KIF19: variants seen among roughly 807,000 people sequenced by gnomAD.
KIF19 encodes kinesin-like protein KIF19.
KIF19 carries 98 observed loss-of-function variants against 106.6 expected under a neutral mutation model. The observed-to-expected ratio is 0.92, with a 90% CI of 0.78 to 1.09. The LOEUF (loss-of-function observed/expected upper bound fraction) is 1.09. Among genes scored for constraint, KIF19 ranks in the 50% least tolerant of loss-of-function variants. The pLI is 0.00. For synonymous variants in KIF19, 516 were observed against 584.2 expected, an observed-to-expected ratio of 0.88 and a Z score of 1.68; for missense variants, 1,373 against 1,414.3, an observed-to-expected ratio of 0.97 and a Z score of 0.47.
In KIF19 at chr17:74,353,588, G is replaced by T. The variant is rs1420079216; in HGVS notation, c.2308+7G>T. On this transcript the variant is annotated splice_region_variant and intron_variant, in intron 17 of 19. Coordinates refer to ENST00000389916, the MANE Select transcript of KIF19 (RefSeq NM_153209.4). Reference sequence around the variant, plus strand: ...ATCCCCTTGTCCCACAAAGGTATGTGTGCCCTCTGCTGCCCGGCCACCTCA... The same window carrying T: ...ATCCCCTTGTCCCACAAAGGTATGTTTGCCCTCTGCTGCCCGGCCACCTCA... 6.2e-7 allele frequency: 1 copy of T among 1,610,702 alleles called. No homozygotes were observed. The highest frequency in any genetic ancestry group is 2.2e-5 in the East Asian group (1 of 44,866).
Position 74,350,893 on chromosome 17 carries a change from G to A in KIF19, c.1575G>A (p.Leu525=), listed in dbSNP as rs1567919095. The part of the protein sequence containing the change: ...IAALVDEQKQ[L]RKQKLALEQR... Reference sequence around the variant, plus strand: ...CCCTGGTGGACGAGCAGAAGCAACTGCGCAAGCAGAAGGTGTCCAGGGTTT... The same window carrying A: ...CCCTGGTGGACGAGCAGAAGCAACTACGCAAGCAGAAGGTGTCCAGGGTTT... Residue 525 remains leucine, a synonymous_variant, in exon 12 of 20, where the codon CTG becomes CTA. Transcript: ENST00000389916. 1.9e-6 allele frequency: 3 copies of A among 1,613,754 alleles called. No individual in the cohort carries two copies. The highest frequency in any genetic ancestry group is 3.3e-5 in the Admixed American group (2 of 60,030).
chr17:74,330,991 G>A (rs115286441), intron 2 of KIF19, among the ~76,000 whole-genome samples: 1 of 152,274 alleles, frequency 6.6e-6, no homozygotes, highest in South Asian at 2.1e-4. Flanking sequence ...TGTAGTTTAG[G>A]AGCAGCCATA....
intron 2 of KIF19, among the ~76,000 whole-genome samples, chr17:74,333,859 T>C (rs555261682): frequency 2.5e-5 from 3 of 119,622 alleles, no homozygotes; most frequent in African/African-American, 9.3e-5. Context: ...TTTTCTTTTT[T>C]TTTCTTTTTT....
intron 10 of KIF19, among the ~76,000 whole-genome samples, chr17:74,350,113 C>G (rs1304675455): frequency 2.6e-5 from 4 of 152,050 alleles, no homozygotes; most frequent in African/African-American, 7.2e-5. Context: ...ACGGTAGTTT[C>G]TAGGGGCACC....
chr17:74,354,400 C>A lies in KIF19; in HGVS notation c.2547C>A (p.Ser849Arg), dbSNP rs563004456. 100 of 1,610,800 alleles carry A rather than the reference C, an allele frequency of 6.2e-5. 1 individual carries two copies. The South Asian group carries it at 1.0e-3, about 16-fold the overall frequency. ...CCAGTGAGGACAACCTGTCCAGCAGCACGGGCGAGGCCCCGTCCCGGGCAG... is the reference window on the plus strand; with the variant it reads ...CCAGTGAGGACAACCTGTCCAGCAGAACGGGCGAGGCCCCGTCCCGGGCAG... Reference protein sequence around the residue: ...HAASEDNLSSSTGEAPSRAVG... With the variant: ...HAASEDNLSSRTGEAPSRAVG... The change falls in exon 18 of 20, where the codon AGC becomes AGA. Residue 849 changes from serine to arginine, a missense_variant. This residue lies in a region of KIF19 where 1,020 missense variants were observed against 1,008.2 expected (regional missense o/e 1.01). Transcript: ENST00000389916.
intron 1 of KIF19, among the ~76,000 whole-genome samples, chr17:74,328,191 G>C (rs1453385680): frequency 6.6e-6 from 1 of 151,346 alleles, no homozygotes; most frequent in African/African-American, 2.5e-5. Flanking sequence ...GGAGCAGACA[G>C]CTCTCTCCCC....
At position 74,342,809 on chromosome 17, in the gene KIF19, A is replaced by G. The variant is rs1051642482; in HGVS notation, c.319+92A>G. 6.7e-6 allele frequency: 9 copies of G among 1,345,498 alleles called. No homozygotes were observed. In the African/African-American group the frequency reaches 1.3e-4, roughly 19 times the overall value. 83.3% of individuals were successfully genotyped at this position (1,345,498 alleles called of 1,614,324 possible). A position where few individuals can be genotyped will look rare whatever the true frequency, so the allele number is the denominator to read the frequency against. Reference sequence around the variant, plus strand: ...TAGTCTGACCCCAGCTGGAGCAGGAATCCAGGATGTGGTCGCTCCACATCT... The same window carrying G: ...TAGTCTGACCCCAGCTGGAGCAGGAGTCCAGGATGTGGTCGCTCCACATCT... On this transcript the variant is annotated intron_variant, in intron 4 of 19. Coordinates refer to ENST00000389916, the MANE Select transcript of KIF19 (RefSeq NM_153209.4).
At chr17:74,339,273 ACC>A (rs2054294301) in intron 2 of KIF19, among the ~76,000 whole-genome samples, 1 of 151,798 alleles carries the variant, frequency 6.6e-6, no homozygotes, top group Non-Finnish European at 1.5e-5. Context: ...ACCAGCTGGG[ACC>A]CAGACTGCCA....
chr17:74,343,877 C>T (rs896395646), intron 5 of KIF19, among the ~76,000 whole-genome samples: 2 of 151,942 alleles, frequency 1.3e-5, no homozygotes, highest in Non-Finnish European at 2.9e-5. Flanking sequence ...TTTGTCAGGT[C>T]CCCATGCAAC....
At position 74,352,901 on chromosome 17, in the gene KIF19, C is replaced by T. The variant is rs9897137; in HGVS notation, c.2061C>T (p.Ser687=). 0.19 allele frequency: 309,558 copies of T among 1,613,674 alleles called. 40,329 individuals carry two copies. The highest frequency in any genetic ancestry group is 0.69 in the African/African-American group (51,420 of 74,942). ...DSDLESVKTL[S]SDAQHLQNSA... is the part of the protein sequence containing the mutation. The stretch of plus-strand genomic sequence containing the variant: ...ACCTGGAGAGTGTGAAGACATTGAG[C>T]TCTGATGCCCAGCACCTGCAGAACA... Residue 687 remains serine (S), a synonymous_variant, in exon 15 of 20, where the codon AGC becomes AGT. Transcript: ENST00000389916.
chr17:74,346,826 C>T lies in KIF19; in HGVS notation c.924+302C>T, dbSNP rs998557691. Among the ~76,000 whole-genome samples, 3 of 152,136 alleles carry T rather than the reference C, an allele frequency of 2.0e-5. No individual in the cohort carries two copies. The highest frequency in any genetic ancestry group is 2.1e-4 in the South Asian group (1 of 4,822). ...CCCACCCAGGGCTGTGGGTCAGAGC[C>T]GTCTAGATTTGGGGGTGCAGGTGGG... On this transcript the variant is annotated intron_variant, in intron 8 of 19. Transcript: ENST00000389916. This position sits in a 1 kb window ranked among gnomAD's most constrained non-coding sequence, Gnocchi z 4.6.
At position 74,352,868 on chromosome 17, in the gene KIF19, A is replaced by G. The variant is rs1341929320; in HGVS notation, c.2028A>G (p.Pro676=). 4 of 1,613,840 alleles carry G rather than the reference A, an allele frequency of 2.5e-6. No individual in the cohort carries two copies. Among genetic ancestry groups the G allele is most frequent in the African/African-American group, 1.3e-5 (1 of 74,920 alleles). ...CCCCAGCAGGAACCTCACTGACCCC[A>G]GATTCTGACCTGGAGAGTGTGAAGA... ...KITPAGTSLT[P]DSDLESVKTL... Residue 676 remains proline, a synonymous_variant, in exon 15 of 20, where the codon CCA becomes CCG. Coordinates refer to ENST00000389916, the MANE Select transcript of KIF19 (RefSeq NM_153209.4).
Position 74,353,598 on chromosome 17 carries a change from C to A in KIF19, c.2308+17C>A. ...CCCACAAAGGTATGTGTGCCCTCTG[C>A]TGCCCGGCCACCTCACCTGGCCTTG... On this transcript the variant is annotated intron_variant, in intron 17 of 19. Coordinates refer to ENST00000389916, the MANE Select transcript of KIF19 (RefSeq NM_153209.4). 2 of 1,600,330 alleles carry A rather than the reference C, an allele frequency of 1.2e-6. No individual in the cohort carries two copies. The highest frequency in any genetic ancestry group is 1.7e-6 in the Non-Finnish European group (2 of 1,167,982).
intron 6 of KIF19, 29 bp downstream of exon 6, chr17:74,344,377 G>A (rs183286606): frequency 4.0e-5 from 64 of 1,606,298 alleles, no homozygotes; most frequent in South Asian, 2.0e-4. Flanking sequence ...GCCTGGAGCC[G>A]CTGAGAGGAA....
Position 74,347,318 on chromosome 17 carries a change from C to T in KIF19, c.925-459C>T, listed in dbSNP as rs369738414. ...TTGGGAGGCCGAGGCAGGTGGATCACTTAAGGTCAGGAGTTCAAGACAAGC... is the reference window on the plus strand; with the variant it reads ...TTGGGAGGCCGAGGCAGGTGGATCATTTAAGGTCAGGAGTTCAAGACAAGC... On this transcript the variant is annotated intron_variant, in intron 8 of 19. Transcript: ENST00000389916. Among the ~76,000 whole-genome samples, 136 of 152,252 alleles carry T rather than the reference C, an allele frequency of 8.9e-4. 1 individual carries two copies. Among genetic ancestry groups the T allele is most frequent in the African/African-American group, 3.2e-3 (131 of 41,548 alleles).
At chr17:74,350,019 G>A (rs924934715) in intron 10 of KIF19, among the ~76,000 whole-genome samples, 5 of 152,140 alleles carry the variant, frequency 3.3e-5, no homozygotes, top group East Asian at 3.9e-4. Flanking sequence ...GGCTGGTCTC[G>A]AACTCCCGAC....
rs999810111 is a variant in KIF19, at chr17:74,331,514, G to A, written c.120+3009G>A. On this transcript the variant is annotated intron_variant, in intron 2 of 19. Transcript: ENST00000389916. This position sits in a 1 kb window ranked among gnomAD's most constrained non-coding sequence, Gnocchi z 4.1. ...GCAGAAGGGGACATTCCCACAGGCG[G>A]AGAGTCCTCTGGGACAGGAACCCAG... 1.3e-5 allele frequency among the ~76,000 whole-genome samples: 2 copies of A among 152,120 alleles called. No individual in the cohort carries two copies. Among genetic ancestry groups the A allele is most frequent in the African/African-American group, 4.8e-5 (2 of 41,416 alleles).
rs2054841866 is a variant in KIF19 at position 74,355,081 on chromosome 17, C to G, written c.2867-101C>G. On this transcript the variant is annotated intron_variant, in intron 19 of 19. Transcript: ENST00000389916. ...AGCAGAATACTCATGGGACTGGCAT[C>G]CTGGGGTGGTGCCCCTAGAGAGTTC... 7.1e-6 allele frequency: 11 copies of G among 1,541,482 alleles called. No homozygotes were observed. The South Asian group carries it at 1.2e-4, about 17-fold the overall frequency.
rs2054038319 is a variant in KIF19 at position 74,330,220 on chromosome 17, G to A, written c.120+1715G>A. Among the ~76,000 whole-genome samples, 3 of 152,220 alleles carry A rather than the reference G, an allele frequency of 2.0e-5. No homozygotes were observed. In the South Asian group the frequency reaches 6.2e-4, roughly 32 times the overall value. On this transcript the variant is annotated intron_variant, in intron 2 of 19. Transcript: ENST00000389916. ...GCAGAATGAATGCACATAAACAGTG[G>A]TTCGAGGAGGTTCTGCCATTTGCCA...
Sources: gnomAD v4.1 joint callset for allele counts (sites outside exome capture counted in the v4.1 genomes callset) on GRCh38, gnomAD v4.1.1 for gene constraint, gnomAD v4.1.1 regional missense constraint, Gnocchi (gnomAD v3.1) non-coding constraint, MANE v1.5 for transcripts, NCBI Gene and HGNC (gene_info 2026-07-23, HGNC 2026-07-21) for gene names.